The following FAM13C variants were observed in gnomAD, a reference collection of about 807,000 sequenced individuals.
FAM13C encodes the protein family with sequence similarity 13 member C, also known as protein FAM13C.
In FAM13C, 37 loss-of-function variants were observed where a neutral mutation model predicts 73.2. The observed-to-expected ratio is 0.51, with a 90% CI of 0.39 to 0.67. FAM13C has a LOEUF of 0.67. Among genes scored for constraint, FAM13C ranks in the 30% least tolerant of loss-of-function variants. FAM13C has a pLI of 0.00. For missense variants in FAM13C, 589 were observed against 715.6 expected, an observed-to-expected ratio of 0.82 and a Z score of 2.02; for synonymous variants, 246 against 260.9, an observed-to-expected ratio of 0.94 and a Z score of 0.55.
intron 3 of FAM13C, among the ~76,000 whole-genome samples, chr10:59,337,990 A>C (rs1852968612): frequency 6.6e-6 from 1 of 151,842 alleles, no homozygotes; most frequent in Admixed American, 6.6e-5. Flanking sequence ...TGAACTTTTC[A>C]TTTTCATTCT....
chr10:59,301,533 T>C (rs1464074240), intron 5 of FAM13C, among the ~76,000 whole-genome samples: 1 of 152,256 alleles, frequency 6.6e-6, no homozygotes, highest in Non-Finnish European at 1.5e-5. Context: ...AGCATTCCCA[T>C]GGATTTGCAG....
At chr10:59,325,529 G>C (rs1409551537) in intron 3 of FAM13C, among the ~76,000 whole-genome samples, 2 of 152,140 alleles carry the variant, frequency 1.3e-5, no homozygotes, top group South Asian at 4.1e-4. Context: ...CTTCGTAGTT[G>C]CTTGAGAAAA....
At chr10:59,251,468 A>G (rs1693442034) in intron 13 of FAM13C, 107 bp downstream of exon 13, 3 of 907,614 alleles carry the variant, frequency 3.3e-6, no homozygotes, top group Non-Finnish European at 5.5e-6. Context: ...TGTGGAAATT[A>G]TATACATTTT....
chr10:59,340,944 C>T (rs891828145), intron 3 of FAM13C, among the ~76,000 whole-genome samples: 25 of 152,038 alleles, frequency 1.6e-4, no homozygotes, highest in African/African-American at 6.0e-4. Context: ...GGACCACGCT[C>T]TCTGGGTTCC....
chr10:59,303,359 A>T (rs940181749), intron 4 of FAM13C, among the ~76,000 whole-genome samples: 41 of 152,186 alleles, frequency 2.7e-4, no homozygotes, highest in African/African-American at 9.7e-4. Context: ...CCTCCTATTG[A>T]AATTATACAT....
intron 13 of FAM13C, 31 bp from the exon 14 acceptor site, chr10:59,247,768 C>T (rs368422706): frequency 1.2e-5 from 19 of 1,596,834 alleles, no homozygotes; most frequent in Middle Eastern, 1.7e-4. Context: ...TGTTAGTTCA[C>T]AATGAATCAA....
intron 1 of FAM13C, among the ~76,000 whole-genome samples, chr10:59,362,060 A>G (rs1856485209): frequency 6.6e-6 from 1 of 152,170 alleles, no homozygotes; most frequent in South Asian, 2.1e-4. Flanking sequence ...ACTCCATGAA[A>G]ACTGACACCA....
chr10:59,289,307 G>T (rs1380652778), intron 5 of FAM13C, among the ~76,000 whole-genome samples: 1 of 152,104 alleles, frequency 6.6e-6, no homozygotes, highest in African/African-American at 2.4e-5. Flanking sequence ...GCTACAGGCC[G>T]GTACTGGTCC....
chr10:59,287,033 CA>C (rs1202727571), intron 5 of FAM13C, among the ~76,000 whole-genome samples: 4,633 of 38,960 alleles, frequency 0.12, 80 homozygotes, highest in African/African-American at 0.22. Context: ...GACTCCATCT[CA>C]AAAAAAAAAA....
intron 5 of FAM13C, among the ~76,000 whole-genome samples, chr10:59,293,017 C>G (rs1846445634): frequency 6.6e-6 from 1 of 150,396 alleles, no homozygotes; most frequent in Admixed American, 6.6e-5. Flanking sequence ...TTCCCAGCAT[C>G]TAGTAACCAC....
At chr10:59,279,182 G>A (rs1844656686) in intron 6 of FAM13C, among the ~76,000 whole-genome samples, 2 of 152,100 alleles carry the variant, frequency 1.3e-5, no homozygotes, top group African/African-American at 2.4e-5. Context: ...GGATTCTTAG[G>A]CCTCATCTTT....
At position 59,246,348 on chromosome 10, in the gene FAM13C, A is replaced by G. The variant is rs1337714610; in HGVS notation, c.*1266T>C. The G allele has an allele frequency of 4.3e-6, 1 of 233,904 alleles. No homozygotes were observed. The highest frequency in any genetic ancestry group is 8.2e-6 in the Non-Finnish European group (1 of 122,074). The allele number at this position is 233,904 out of a possible 1,614,324, so 14.5% of individuals were successfully genotyped here. A position where few individuals can be genotyped will look rare whatever the true frequency, so the allele number is the denominator to read the frequency against. ...TTTATGAAGGACATTATTCTGATTC[A>G]TAAAAGTTATAAAATATTAGGTAAA... On this transcript the variant is annotated 3_prime_UTR_variant, in exon 14 of 14. Coordinates refer to ENST00000618804, the MANE Select transcript of FAM13C (RefSeq NM_198215.4).
Position 59,289,165 on chromosome 10 carries a change from C to T in FAM13C, c.508-5718G>A, listed in dbSNP as rs141801753. 4.6e-3 allele frequency among the ~76,000 whole-genome samples: 698 copies of T among 152,288 alleles called. 6 individuals are homozygous for T. Among genetic ancestry groups the T allele is most frequent in the African/African-American group, 0.016 (663 of 41,560 alleles). On this transcript the variant is annotated intron_variant, in intron 5 of 13. Coordinates refer to ENST00000618804, the MANE Select transcript of FAM13C (RefSeq NM_198215.4). ...GCACGCAACATAGATTCCTCGCATG[C>T]GCAGTTCACAATAGGGTGCATGCTC...
At chr10:59,285,442 G>A (rs1845441850) in intron 5 of FAM13C, among the ~76,000 whole-genome samples, 1 of 152,174 alleles carries the variant, frequency 6.6e-6, no homozygotes, top group Admixed American at 6.5e-5. Flanking sequence ...TTGGAAATCA[G>A]TGACCTCTCA....
chr10:59,351,328 T>G (rs1433767900), intron 3 of FAM13C, among the ~76,000 whole-genome samples: 1 of 25,134 alleles, frequency 4.0e-5, no homozygotes, highest in African/African-American at 1.2e-4. Context: ...TGAGACCCTG[T>G]CTCAAAAAAA....
At chr10:59,256,523 C>T (rs1049241156) in intron 10 of FAM13C, among the ~76,000 whole-genome samples, 6 of 152,148 alleles carry the variant, frequency 3.9e-5, no homozygotes, top group African/African-American at 1.2e-4. Context: ...ACTTTGATTC[C>T]GTTGTCTTCC....
At chr10:59,266,208 T>C (rs1185588381) in intron 8 of FAM13C, among the ~76,000 whole-genome samples, 1 of 152,220 alleles carries the variant, frequency 6.6e-6, no homozygotes, top group Non-Finnish European at 1.5e-5. Flanking sequence ...TAACATTCCC[T>C]GATTCCACTG....
chr10:59,247,799 T>C, intron 13 of FAM13C, 62 bp from the exon 14 acceptor site: 1 of 1,522,936 alleles, frequency 6.6e-7, no homozygotes. Context: ...AAACATTCTT[T>C]TATAATTCAT....
chr10:59,268,567 C>A lies in FAM13C; in HGVS notation c.928G>T (p.Glu310Ter). 6.2e-7 allele frequency: 1 copy of A among 1,613,836 alleles called. No individual in the cohort carries two copies. The highest frequency in any genetic ancestry group is 1.1e-5 in the South Asian group (1 of 91,080). ...IRKFEEKFEQ[E>*]KKYRPSHGDK... ...AGGGTTCTTACCCGGTATTTCTTTT[C>A]TTGTTCAAATTTTTCTTCAAATTTC... Residue 310 changes from glutamate to a stop codon, truncating the protein, a stop_gained, in exon 8 of 14, where the codon GAA becomes TAA. Coordinates refer to ENST00000618804, the MANE Select transcript of FAM13C (RefSeq NM_198215.4). LOFTEE classifies it high-confidence loss of function.
Sources: allele counts gnomAD v4.1 joint callset (sites outside exome capture counted in the v4.1 genomes callset), GRCh38; gene constraint gnomAD v4.1.1; transcripts MANE v1.5; gene names NCBI Gene and HGNC (gene_info 2026-07-23, HGNC 2026-07-21).